The following SDC1 variants were observed in gnomAD, a reference collection of about 807,000 sequenced individuals.
SDC1 encodes syndecan 1.
In SDC1, 14 loss-of-function variants were observed where a neutral mutation model predicts 29.7. The ratio of observed to expected loss-of-function variants is 0.47; its 90% CI spans 0.31 to 0.74. The LOEUF is 0.74. SDC1 is among the 30% of genes least tolerant of loss of function. The pLI is 0.05. For missense variants in SDC1, 406 were observed against 400.3 expected (o/e 1.01, Z -0.12); for synonymous variants, 204 against 175.5 (o/e 1.16, Z -1.29).
intron 1 of SDC1, among the ~76,000 whole-genome samples, chr2:20,210,861 C>T (rs3821219): frequency 0.28 from 43,105 of 151,524 alleles, 6,508 homozygotes; most frequent in Middle Eastern, 0.38. Flanking sequence ...TGGACACCCA[C>T]CCTCCCCATC....
intron 1 of SDC1, among the ~76,000 whole-genome samples, chr2:20,212,450 C>T (rs1558435432): frequency 6.6e-6 from 1 of 152,294 alleles, no homozygotes; most frequent in East Asian, 1.9e-4. Context: ...TCACTCCTCT[C>T]CTAAGGCTGG....
intron 1 of SDC1, among the ~76,000 whole-genome samples, chr2:20,207,101 T>C (rs1005182934): frequency 3.3e-5 from 5 of 152,150 alleles, no homozygotes; most frequent in African/African-American, 9.7e-5. Context: ...GTCTCACTTC[T>C]GGGTAGTGCA....
rs1383715977 is a variant in SDC1, at chr2:20,203,807, A to C, written c.627+6T>G. On this transcript the variant is annotated splice_donor_region_variant and intron_variant, in intron 3 of 4. Transcript: ENST00000254351. ...CAATTTCCCAAGGAATGCAGAGGCC[A>C]CTCACCTGCTCCCCAGAGCCCTCTG... 6.4e-7 allele frequency: 1 copy of C among 1,562,150 alleles called. No individual in the cohort carries two copies. The highest frequency in any genetic ancestry group is 8.7e-7 in the Non-Finnish European group (1 of 1,155,246).
intron 1 of SDC1, among the ~76,000 whole-genome samples, chr2:20,216,050 C>T (rs914834503): frequency 6.6e-6 from 1 of 152,218 alleles, no homozygotes; most frequent in African/African-American, 2.4e-5. Context: ...ACCTCATTCA[C>T]GGGAGGTGGG....
chr2:20,208,776 G>A lies in SDC1; in HGVS notation c.67-3352C>T, dbSNP rs1677367883. ...CAGGAACAGGTGGCCTCAGCTTGGA[G>A]ACTACCTAATGCCCTGCCCAGGAAG... On this transcript the variant is annotated intron_variant, in intron 1 of 4. Transcript: ENST00000254351. Among the ~76,000 whole-genome samples, 3 of 152,320 alleles carry A rather than the reference G, an allele frequency of 2.0e-5. No individual in the cohort carries two copies. The South Asian group carries it at 6.2e-4, about 32-fold the overall frequency.
In SDC1 at chr2:20,202,323, C is replaced by A. The variant is rs577316993; in HGVS notation, c.*443G>T. ...TGGACTCCTGTCCCCTGCCACTCAG[C>A]GGCCACCCCCCCAAGATGCTTGGTC... On this transcript the variant is annotated 3_prime_UTR_variant, in exon 5 of 5. Transcript: ENST00000254351. The A allele has an allele frequency of 1.3e-6, 1 of 774,942 alleles. No homozygotes were observed. Among genetic ancestry groups the A allele is most frequent in the Non-Finnish European group, 2.4e-6 (1 of 416,384 alleles). The allele number at this position is 774,942 out of a possible 1,614,324, so 48.0% of individuals were successfully genotyped here. A position where few individuals can be genotyped will look rare whatever the true frequency, so the allele number is the denominator to read the frequency against.
At chr2:20,205,044 G>A (rs1677209773) in intron 2 of SDC1, among the ~76,000 whole-genome samples, 1 of 152,254 alleles carries the variant, frequency 6.6e-6, no homozygotes, top group African/African-American at 2.4e-5. Flanking sequence ...GGGTTCCAGA[G>A]GTTTCTTAGT....
intron 2 of SDC1, 147 bp from the exon 3 acceptor site, chr2:20,204,438 G>A: frequency 1.5e-6 from 1 of 651,882 alleles, no homozygotes; most frequent in Non-Finnish European, 2.7e-6. Context: ...GGACAAGGCA[G>A]CTGAGGCTAA....
chr2:20,206,574 A>C (rs1174862950), intron 1 of SDC1, among the ~76,000 whole-genome samples: 1 of 152,156 alleles, frequency 6.6e-6, no homozygotes, highest in East Asian at 1.9e-4. Context: ...ACTTAGACCC[A>C]AGGACCCCAC....
rs369870688 is a variant in SDC1, at chr2:20,203,891, T to C, written c.549A>G (p.Gly183=). The C allele has an allele frequency of 1.9e-6, 3 of 1,609,356 alleles. No individual in the cohort carries two copies. Among genetic ancestry groups the C allele is most frequent in the Non-Finnish European group, 2.5e-6 (3 of 1,177,814 alleles). Residue 183 remains glycine (G), a synonymous_variant, in exon 3 of 5, where the codon GGA becomes GGG. Coordinates refer to ENST00000254351, the MANE Select transcript of SDC1 (RefSeq NM_002997.5). ...ADLHTPHTED[G]GPSATERAAE... ...CAGCCCTCTCGGTGGCAGAAGGACC[T>C]CCATCCTCTGTGTGGGGAGTGTGAA...
rs1677615406 is a variant in SDC1 at position 20,215,973 on chromosome 2, C to T, written c.66+8829G>A. 3.3e-5 allele frequency among the ~76,000 whole-genome samples: 5 copies of T among 152,258 alleles called. No individual in the cohort carries two copies. In the South Asian group the frequency reaches 1.0e-3, roughly 31 times the overall value. On this transcript the variant is annotated intron_variant, in intron 1 of 4. Coordinates refer to ENST00000254351, the MANE Select transcript of SDC1 (RefSeq NM_002997.5). ...TTCAGGCTCAGGTGACTGCCTTACA[C>T]AGGGAAGACAGGTGGGCCAGAGTGC...
chr2:20,204,605 C>G (rs1421135364), intron 2 of SDC1, among the ~76,000 whole-genome samples: 3 of 152,104 alleles, frequency 2.0e-5, no homozygotes, highest in African/African-American at 7.2e-5. Flanking sequence ...GGCATAACTA[C>G]TGTGGTTATC....
Position 20,202,787 on chromosome 2 carries a change from T to C in SDC1, c.912A>G (p.Lys304=). 1 of 1,610,910 alleles carries C rather than the reference T, an allele frequency of 6.2e-7. No homozygotes were observed. The highest frequency in any genetic ancestry group is 8.5e-7 in the Non-Finnish European group (1 of 1,178,626). Residue 304 remains lysine, a synonymous_variant, in exon 5 of 5, where the codon AAA becomes AAG. Coordinates refer to ENST00000254351, the MANE Select transcript of SDC1 (RefSeq NM_002997.5). The part of the protein sequence containing the change: ...ANGGAYQKPT[K]QEEFYA ...CGCGTCAGGCATAGAATTCCTCCTG[T>C]TTGGTGGGCTTCTGGTAGGCCCCGC...
At position 20,203,215 on chromosome 2, in the gene SDC1, G is replaced by A. The variant is rs776874505; in HGVS notation, c.635C>T (p.Thr212Ile). ...CGTATTCTCCCCCGAGGTTTCAAAG[G>A]TGAAGTCCTGTGGGAGGGCAGGGGC... is the stretch of plus-strand genomic sequence containing the variant. ...AAEGSGEQDF[T>I]FETSGENTAV... Residue 212 changes from threonine to isoleucine, a missense_variant, in exon 4 of 5, where the codon ACC (threonine) becomes ATC (isoleucine). Thr to Ile is a moderately conservative substitution (Grantham distance 89, BLOSUM62 -1). Coordinates refer to ENST00000254351, the MANE Select transcript of SDC1 (RefSeq NM_002997.5). 12 of 1,605,220 alleles carry A rather than the reference G, an allele frequency of 7.5e-6. No individual in the cohort carries two copies. The highest frequency in any genetic ancestry group is 3.4e-6 in the Non-Finnish European group (4 of 1,173,834).
intron 1 of SDC1, among the ~76,000 whole-genome samples, chr2:20,219,843 C>T (rs1241991725): frequency 6.6e-6 from 1 of 152,244 alleles, no homozygotes; most frequent in African/African-American, 2.4e-5. Context: ...CCCAGCAGGA[C>T]CTGGTGTTGG....
Position 20,202,928 on chromosome 2 carries a change from A to G in SDC1, c.771T>C (p.Ile257=). The change falls in exon 5 of 5, where the codon ATT becomes ATC. Residue 257 remains isoleucine (I), a synonymous_variant. Transcript: ENST00000254351. ...LDRKEVLGGV[I]AGGLVGLIFA... is the part of the protein sequence containing the mutation. Reference sequence around the variant, plus strand: ...AGATGAGCCCCACGAGGCCTCCGGCAATGACCCCTAGGGCAGGTAGACGGG... The same window carrying G: ...AGATGAGCCCCACGAGGCCTCCGGCGATGACCCCTAGGGCAGGTAGACGGG... The G allele has an allele frequency of 6.2e-7, 1 of 1,611,212 alleles. No homozygotes were observed. The highest frequency in any genetic ancestry group is 1.1e-5 in the South Asian group (1 of 90,644).
rs1677945850 is a variant in SDC1 at position 20,224,983 on chromosome 2, CCAG to C, written c.-119_-117del. The stretch of plus-strand genomic sequence containing the variant: ...GGCGCCTGCCCAGCGCGCCGCTGTC[CCAG>C]GCGAGGGCTGCAGGGTCCGCCGGCT... On this transcript the variant is annotated 5_prime_UTR_variant, in exon 1 of 5. Transcript: ENST00000254351. The surrounding 1 kb of genome is among the most constrained non-coding windows in gnomAD (Gnocchi z 4.9). 32 of 1,160,314 alleles carry C rather than the reference CCAG, an allele frequency of 2.8e-5. No individual in the cohort carries two copies. Among genetic ancestry groups the C allele is most frequent in the Non-Finnish European group, 3.3e-5 (31 of 938,600 alleles). 71.9% of individuals were successfully genotyped at this position (1,160,314 alleles called of 1,614,324 possible).
At chr2:20,208,819 CT>C (rs942131099) in intron 1 of SDC1, among the ~76,000 whole-genome samples, 1 of 152,216 alleles carries the variant, frequency 6.6e-6, no homozygotes, top group South Asian at 2.1e-4. Flanking sequence ...GCTAACCAGC[CT>C]TTAACCTCTG....
rs768939390 is a variant in SDC1 at position 20,203,135 on chromosome 2, C to A, written c.715G>T (p.Ala239Ser). The A allele has an allele frequency of 1.9e-6, 3 of 1,611,984 alleles. No homozygotes were observed. Among genetic ancestry groups the A allele is most frequent in the South Asian group, 2.2e-5 (2 of 91,020 alleles). Residue 239 changes from alanine (A) to serine (S), a missense_variant, in exon 4 of 5, where the codon GCC (alanine) becomes TCC (serine). By Grantham distance (99) the Ala-to-Ser change is moderately conservative. Coordinates refer to ENST00000254351, the MANE Select transcript of SDC1 (RefSeq NM_002997.5). The stretch of plus-strand genomic sequence containing the variant: ...AGGAGGCCCTGTGAGGCCCCCGTGG[C>A]CCCCTGATCCACTGGGGACTGGTTC... ...RRNQSPVDQGATGASQGLLDR... is the reference protein window; with the variant it reads ...RRNQSPVDQGSTGASQGLLDR...
Sources: gnomAD v4.1 joint callset for allele counts (sites outside exome capture counted in the v4.1 genomes callset) on GRCh38, gnomAD v4.1.1 for gene constraint, Gnocchi (gnomAD v3.1) non-coding constraint, MANE v1.5 for transcripts, NCBI Gene and HGNC (gene_info 2026-07-23, HGNC 2026-07-21) for gene names.